ADAMTS15: variants seen among roughly 807,000 people sequenced by gnomAD.
ADAMTS15 encodes A disintegrin and metalloproteinase with thrombospondin motifs 15.
ADAMTS15 carries 35 observed loss-of-function variants against 79.1 expected under a neutral mutation model. The observed-to-expected ratio is 0.44, with a 90% CI of 0.34 to 0.59. ADAMTS15 has a LOEUF of 0.59. ADAMTS15 is among the 20% of genes least tolerant of loss of function. The pLI, the probability that ADAMTS15 is intolerant of heterozygous loss-of-function variation, is 0.02. For missense variants in ADAMTS15, 1,324 were observed against 1,318.7 expected (o/e 1.00, Z -0.06); for synonymous variants, 616 against 567.3 (o/e 1.09, Z -1.22).
At chr11:130,455,115 T>A (rs1203920767) in intron 1 of ADAMTS15, among the ~76,000 whole-genome samples, 1 of 152,124 alleles carries the variant, frequency 6.6e-6, no homozygotes, top group Non-Finnish European at 1.5e-5. Flanking sequence ...CTTTCCTCAC[T>A]CTTAGAATGA....
rs1565397706 is a variant in ADAMTS15 at position 130,470,166 on chromosome 11, A to ATACG, written c.1720+729_1720+730insCGTA. On this transcript the variant is annotated intron_variant, in intron 5 of 7. Coordinates refer to ENST00000299164, the MANE Select transcript of ADAMTS15 (RefSeq NM_139055.4). Reference sequence around the variant, plus strand: ...TATATATATATGTGTATATATATATATATATATATATATATGTGTGTATAT... The same window carrying ATACG: ...TATATATATATGTGTATATATATATATACGTATATATATATATATGTGTGTATAT... Among the ~76,000 whole-genome samples, 56 of 57,578 alleles carry ATACG rather than the reference A, an allele frequency of 9.7e-4. 5 individuals carry two copies. The highest frequency in any genetic ancestry group is 5.5e-3 in the African/African-American group (53 of 9,638). 37.8% of individuals were successfully genotyped at this position (57,578 alleles called of 152,430 possible).
chr11:130,460,419 G>A (rs1327012064), intron 1 of ADAMTS15, among the ~76,000 whole-genome samples: 1 of 152,080 alleles, frequency 6.6e-6, no homozygotes, highest in Non-Finnish European at 1.5e-5. Context: ...TGGTATTACA[G>A]GCACCTGCCA....
chr11:130,457,159 A>G (rs1313928863), intron 1 of ADAMTS15, among the ~76,000 whole-genome samples: 1 of 145,840 alleles, frequency 6.9e-6, no homozygotes, highest in African/African-American at 2.6e-5. Context: ...TGAACCCGGG[A>G]GGCAGAGGTT....
At position 130,473,416 on chromosome 11, in the gene ADAMTS15, G is replaced by C; in HGVS notation, c.2448G>C (p.Arg816=). The change falls in exon 8 of 8, where the codon CGG becomes CGC. Residue 816 remains arginine (R), a synonymous_variant. Coordinates refer to ENST00000299164, the MANE Select transcript of ADAMTS15 (RefSeq NM_139055.4). ...EDKSSHPKDP[R]GPSVLHNSVL... ...AGTCCTCTCATCCCAAGGACCCCCG[G>C]GGACCCTCTGTCTTGCACAACAGCG... The C allele has an allele frequency of 6.2e-7, 1 of 1,612,786 alleles. No homozygotes were observed. The highest frequency in any genetic ancestry group is 8.5e-7 in the Non-Finnish European group (1 of 1,179,994).
chr11:130,452,503 TG>T (rs1213969153), intron 1 of ADAMTS15, among the ~76,000 whole-genome samples: 1 of 152,232 alleles, frequency 6.6e-6, no homozygotes, highest in Non-Finnish European at 1.5e-5. Flanking sequence ...TGCCGAGACT[TG>T]GTAGGCCCTC....
chr11:130,462,821 G>A lies in ADAMTS15; in HGVS notation c.1542+41G>A. On this transcript the variant is annotated intron_variant, in intron 4 of 7. Coordinates refer to ENST00000299164, the MANE Select transcript of ADAMTS15 (RefSeq NM_139055.4). This position sits in a 1 kb window ranked among gnomAD's most constrained non-coding sequence, Gnocchi z 4.3. ...AGCTGCGCTCGGGGACTGCTGGGAG[G>A]AGGGATGGAGACCCGGGGGCCTCGT... 1 of 1,545,446 alleles carries A rather than the reference G, an allele frequency of 6.5e-7. No individual in the cohort carries two copies. The highest frequency in any genetic ancestry group is 1.4e-5 in the African/African-American group (1 of 73,712).
Position 130,469,432 on chromosome 11 carries a change from C to T in ADAMTS15, c.1713C>T (p.Pro571=). 7.5e-7 allele frequency: 1 copy of T among 1,339,614 alleles called. No homozygotes were observed. The highest frequency in any genetic ancestry group is 2.5e-5 in the South Asian group (1 of 39,970). The allele number at this position is 1,339,614 out of a possible 1,614,324, so 83.0% of individuals were successfully genotyped here. The change falls in exon 5 of 8, where the codon CCC becomes CCT. Residue 571 remains proline, a synonymous_variant. Transcript: ENST00000299164. ...KYRSCNLEPC[P]SSASGKSFRE... is the part of the protein sequence containing the mutation. ...GATCCTGCAATCTGGAGCCCTGCCC[C>T]AGCTCAGGTGAGGTGGGGAGAGCAG...
At chr11:130,467,525 T>C (rs866148123) in intron 4 of ADAMTS15, among the ~76,000 whole-genome samples, 1 of 152,128 alleles carries the variant, frequency 6.6e-6, no homozygotes, top group Non-Finnish European at 1.5e-5. Flanking sequence ...ATGCTGGATA[T>C]GTACACAGGT....
At chr11:130,470,163 T>TACAC (rs1364198407) in intron 5 of ADAMTS15, among the ~76,000 whole-genome samples, 2 of 55,066 alleles carry the variant, frequency 3.6e-5, no homozygotes, top group African/African-American at 1.1e-4. Flanking sequence ...TGTATATATA[T>TACAC]ATATATATAT....
chr11:130,468,321 G>C (rs1038602064), intron 4 of ADAMTS15, among the ~76,000 whole-genome samples: 3 of 152,226 alleles, frequency 2.0e-5, no homozygotes, highest in East Asian at 1.9e-4. Context: ...GTGCTGTGGT[G>C]TGGGCAGAGT....
intron 4 of ADAMTS15, among the ~76,000 whole-genome samples, chr11:130,468,966 A>AAAAAAAAAAAAAAG (rs1938364965): frequency 6.7e-6 from 1 of 148,396 alleles, no homozygotes; most frequent in African/African-American, 2.5e-5. Flanking sequence ...AAAAAAAAAA[A>AAAAAAAAAAAAAAG]GGAAAACACA....
intron 1 of ADAMTS15, among the ~76,000 whole-genome samples, chr11:130,457,953 C>T (rs752371147): frequency 2.0e-5 from 3 of 152,212 alleles, no homozygotes; most frequent in Non-Finnish European, 2.9e-5. Context: ...CTCTTACCCT[C>T]AGGAAATTTG....
chr11:130,468,621 C>T (rs1469650267), intron 4 of ADAMTS15, among the ~76,000 whole-genome samples: 8 of 151,690 alleles, frequency 5.3e-5, no homozygotes, highest in South Asian at 2.1e-4. Context: ...AAAAATTAGC[C>T]GGGCGTGGTG....
At position 130,475,798 on chromosome 11, in the gene ADAMTS15, A is replaced by G. The variant is rs1938572341; in HGVS notation, c.*1977A>G. ...GGTACCAGGCAGAAGCAGATCCTTGATAGCTGACGACAGCACTGCGCCCTG... is the reference window on the plus strand; with the variant it reads ...GGTACCAGGCAGAAGCAGATCCTTGGTAGCTGACGACAGCACTGCGCCCTG... On this transcript the variant is annotated 3_prime_UTR_variant, in exon 8 of 8. Transcript: ENST00000299164. The G allele has an allele frequency of 6.6e-6, 1 of 150,736 alleles. No homozygotes were observed. Among genetic ancestry groups the G allele is most frequent in the Admixed American group, 6.6e-5 (1 of 15,144 alleles). The allele number at this position is 150,736 out of a possible 1,614,324, so 9.3% of individuals were successfully genotyped here. A position where few individuals can be genotyped will look rare whatever the true frequency, so the allele number is the denominator to read the frequency against.
intron 1 of ADAMTS15, among the ~76,000 whole-genome samples, chr11:130,459,640 ACCTGG>A (rs1230993636): frequency 2.6e-5 from 4 of 152,204 alleles, no homozygotes; most frequent in Non-Finnish European, 4.4e-5. Flanking sequence ...CAGGTGGCAG[ACCTGG>A]CTGGGTGTGC....
chr11:130,470,170 A>ATATATATACATG (rs1938410960), intron 5 of ADAMTS15, among the ~76,000 whole-genome samples: 1 of 58,176 alleles, frequency 1.7e-5, no homozygotes, highest in Non-Finnish European at 3.3e-5. Flanking sequence ...ATATATATAT[A>ATATATATACATG]TATATATATA....
Position 130,475,327 on chromosome 11 carries a change from G to C in ADAMTS15, c.*1506G>C, listed in dbSNP as rs937873380. The C allele has an allele frequency of 6.6e-6, 1 of 152,230 alleles. No individual in the cohort carries two copies. Among genetic ancestry groups the C allele is most frequent in the Non-Finnish European group, 1.5e-5 (1 of 68,062 alleles). The allele number at this position is 152,230 out of a possible 1,614,324, so 9.4% of individuals were successfully genotyped here. A position where few individuals can be genotyped will look rare whatever the true frequency, so the allele number is the denominator to read the frequency against. On this transcript the variant is annotated 3_prime_UTR_variant, in exon 8 of 8. Coordinates refer to ENST00000299164, the MANE Select transcript of ADAMTS15 (RefSeq NM_139055.4). The stretch of plus-strand genomic sequence containing the variant: ...AGACATGTCAGGAAAATAGAAACAG[G>C]CATTTTCTCTAGCTCCAAGTGGGGA...
At chr11:130,471,472 G>C in intron 7 of ADAMTS15, 89 bp downstream of exon 7, 10 of 1,458,960 alleles carry the variant, frequency 6.9e-6, no homozygotes, top group East Asian at 2.4e-5. Context: ...TTAGACTGGG[G>C]TAAATGTCAG....
chr11:130,462,045 T>G lies in ADAMTS15; in HGVS notation c.1091-42T>G. 10 of 1,445,078 alleles carry G rather than the reference T, an allele frequency of 6.9e-6. No homozygotes were observed. Among genetic ancestry groups the G allele is most frequent in the South Asian group, 1.2e-5 (1 of 84,092 alleles). The allele number at this position is 1,445,078 out of a possible 1,614,324, so 89.5% of individuals were successfully genotyped here. ...CCCATTCCTCCCTCCAACCCCCATG[T>G]CCTTCCTCCTGCCCTCTCAGTCCTC... is the stretch of plus-strand genomic sequence containing the variant. On this transcript the variant is annotated intron_variant, in intron 2 of 7. Transcript: ENST00000299164. The surrounding 1 kb of genome is among the most constrained non-coding windows in gnomAD (Gnocchi z 4.3).
Sources: allele counts gnomAD v4.1 joint callset (sites outside exome capture counted in the v4.1 genomes callset), GRCh38; gene constraint gnomAD v4.1.1; non-coding constraint Gnocchi (gnomAD v3.1); transcripts MANE v1.5; gene names NCBI Gene and HGNC (gene_info 2026-07-23, HGNC 2026-07-21).